The following KIAA1217 variants were observed in gnomAD, a reference collection of about 807,000 sequenced individuals.
The protein encoded by KIAA1217 is sickle tail protein homolog.
Under a neutral mutation model 163.9 loss-of-function variants are expected in KIAA1217, and 88 were observed. The observed-to-expected ratio is 0.54, with a 90% CI of 0.45 to 0.64. KIAA1217 has a LOEUF of 0.64. KIAA1217 is among the 30% of genes least tolerant of loss of function. KIAA1217 has a pLI of 0.00. For synonymous variants in KIAA1217, 903 were observed against 923.1 expected (o/e 0.98, Z 0.39); for missense variants, 2,372 against 2,475.0 (o/e 0.96, Z 0.88).
Position 24,170,417 on chromosome 10 carries a change from A to G in KIAA1217, c.-170-49209A>G, listed in dbSNP as rs1036413016. Among the ~76,000 whole-genome samples, 3 of 152,148 alleles carry G rather than the reference A, an allele frequency of 2.0e-5. No homozygotes were observed. In the East Asian group the frequency reaches 5.8e-4, roughly 29 times the overall value. ...CAGTCTCCAATCTGTTCCCAAGCTC[A>G]TTGTGTGAAATTTGCCTCGTTTGGG... On this transcript the variant is annotated intron_variant, in intron 2 of 18. Transcript: ENST00000376462.
In KIAA1217 at chr10:24,433,270, G is replaced by GT. The variant is rs1258407407; in HGVS notation, c.752+77_752+78insT. Reference sequence around the variant, plus strand: ...GTTTTTTGTTTTTTTGTTTTTGAGGGGTTTTTTTTTACCCACTATATTGCA... The same window carrying GT: ...GTTTTTTGTTTTTTTGTTTTTGAGGGTGTTTTTTTTTACCCACTATATTGCA... On this transcript the variant is annotated intron_variant, in intron 4 of 20. Transcript: ENST00000376454. The GT allele has an allele frequency of 4.4e-4, 492 of 1,129,588 alleles. 1 individual carries two copies. The highest frequency in any genetic ancestry group is 9.9e-4 in the Middle Eastern group (4 of 4,026). 70.0% of individuals were successfully genotyped at this position (1,129,588 alleles called of 1,614,324 possible).
intron 1 of KIAA1217, among the ~76,000 whole-genome samples, chr10:23,955,171 G>A (rs1025935758): frequency 6.6e-6 from 1 of 152,264 alleles, no homozygotes; most frequent in South Asian, 2.1e-4. Context: ...GTTCACAGAG[G>A]GGGTAAGCGG....
intron 2 of KIAA1217, among the ~76,000 whole-genome samples, chr10:24,234,586 G>GAA (rs2071930975): frequency 6.8e-6 from 1 of 147,478 alleles, no homozygotes; most frequent in South Asian, 2.2e-4. Flanking sequence ...TTGAACCCAG[G>GAA]AGGCAGAGGT....
At chr10:23,911,418 T>C (rs990154313) in intron 1 of KIAA1217, among the ~76,000 whole-genome samples, 6 of 152,206 alleles carry the variant, frequency 3.9e-5, no homozygotes, top group African/African-American at 1.2e-4. Flanking sequence ...AAGCCTTCTG[T>C]CTTTGAAATG....
At chr10:23,942,426 A>G (rs1843817280) in intron 1 of KIAA1217, among the ~76,000 whole-genome samples, 1 of 152,236 alleles carries the variant, frequency 6.6e-6, no homozygotes, top group Non-Finnish European at 1.5e-5. Context: ...TCCTCTGGCT[A>G]GGCTTCACAG....
At chr10:24,166,962 T>C (rs563904045) in intron 2 of KIAA1217, among the ~76,000 whole-genome samples, 54 of 152,330 alleles carry the variant, frequency 3.5e-4, no homozygotes, top group Non-Finnish European at 7.3e-4. Flanking sequence ...TTTCAGGTGC[T>C]GATAGCTGGA....
chr10:24,132,678 A>T (rs2063697261), intron 2 of KIAA1217, among the ~76,000 whole-genome samples: 1 of 152,222 alleles, frequency 6.6e-6, no homozygotes, highest in African/African-American at 2.4e-5. Flanking sequence ...TTCCAGCGGA[A>T]TATCAAGAAT....
rs111796175 is a variant in KIAA1217 at position 24,416,485 on chromosome 10, A to G, written c.554-16510A>G. ...CACCCCTTGTCTTTCTGCATCACAC[A>G]CAAGCCTGCCTGGGGCAAGAATCCA... On this transcript the variant is annotated intron_variant, in intron 3 of 20. Transcript: ENST00000376454. 6.0e-3 allele frequency among the ~76,000 whole-genome samples: 912 copies of G among 152,316 alleles called. 9 individuals carry two copies. Among genetic ancestry groups the G allele is most frequent in the African/African-American group, 0.02 (848 of 41,576 alleles).
chr10:23,739,651 G>A (rs1021253924), intron 1 of KIAA1217, among the ~76,000 whole-genome samples: 6 of 152,150 alleles, frequency 3.9e-5, no homozygotes, highest in Non-Finnish European at 8.8e-5. Context: ...GAGGAGGTAT[G>A]AGCAAAGGCA....
chr10:24,438,547 C>A, intron 5 of KIAA1217, 68 bp downstream of exon 5: 2 of 1,037,868 alleles, frequency 1.9e-6, no homozygotes, highest in Non-Finnish European at 3.0e-6. Flanking sequence ...TGCTTGTACT[C>A]CTGATGTAAT....
chr10:24,258,662 G>A lies in KIAA1217; in HGVS notation c.354+38753G>A, dbSNP rs190722827. Among the ~76,000 whole-genome samples the A allele has an allele frequency of 7.4e-3, 1,121 of 150,810 alleles. 12 individuals are homozygous for A. Among genetic ancestry groups the A allele is most frequent in the African/African-American group, 0.025 (1,031 of 41,000 alleles). On this transcript the variant is annotated intron_variant, in intron 2 of 20. Coordinates refer to ENST00000376454, the MANE Select transcript of KIAA1217 (RefSeq NM_019590.5). ...GGCTGGAGTGCAGTGGCGCGATCTC[G>A]GCTCATTGCAAGCTCCACCTCCCGG... is the stretch of plus-strand genomic sequence containing the variant.
intron 2 of KIAA1217, among the ~76,000 whole-genome samples, chr10:24,034,562 CAAA>C (rs773055132): frequency 9.1e-6 from 1 of 110,260 alleles, no homozygotes; most frequent in Admixed American, 9.4e-5. Context: ...GACCCTGTCT[CAAA>C]AAAAAAAAAA....
At chr10:24,207,890 G>T (rs944225258), upstream of KIAA1217, among the ~76,000 whole-genome samples, 19 of 152,132 alleles carry the variant, frequency 1.2e-4, no homozygotes, top group South Asian at 4.2e-4. Flanking sequence ...TGGAACATAG[G>T]CTGGCCATTG....
intron 1 of KIAA1217, among the ~76,000 whole-genome samples, chr10:23,853,977 A>G (rs1392757246): frequency 6.6e-6 from 1 of 152,030 alleles, no homozygotes; most frequent in African/African-American, 2.4e-5. Flanking sequence ...TCCTGGATTC[A>G]TTAATTTTTT....
intron 5 of KIAA1217, chr10:24,466,597 C>T: frequency 2.0e-6 from 2 of 985,162 alleles, no homozygotes; most frequent in Non-Finnish European, 2.4e-6. Flanking sequence ...TGTGAACACT[C>T]GAGCTGAGAA....
intron 2 of KIAA1217, among the ~76,000 whole-genome samples, chr10:24,015,561 G>T (rs1197903309): frequency 6.6e-6 from 1 of 151,928 alleles, no homozygotes; most frequent in Non-Finnish European, 1.5e-5. Context: ...TTCAAGACCA[G>T]CCTGGCCAAC....
At chr10:24,513,801 A>T (rs1047082275) in intron 10 of KIAA1217, among the ~76,000 whole-genome samples, 1 of 151,492 alleles carries the variant, frequency 6.6e-6, no homozygotes, top group African/African-American at 2.4e-5. Flanking sequence ...AAAAAAAAAA[A>T]ACAGAGAGAG....
intron 1 of KIAA1217, among the ~76,000 whole-genome samples, chr10:23,935,908 A>C (rs1464660889): frequency 6.6e-6 from 1 of 152,214 alleles, no homozygotes; most frequent in African/African-American, 2.4e-5. Context: ...CAGATGGCAC[A>C]TACACATTAT....
At chr10:24,231,806 T>G (rs1356290637) in intron 2 of KIAA1217, among the ~76,000 whole-genome samples, 5 of 151,908 alleles carry the variant, frequency 3.3e-5, no homozygotes, top group African/African-American at 4.8e-5. Context: ...CTTGGGTTTT[T>G]TTTTTTTTTT....
Sources: gnomAD v4.1 joint callset for allele counts (sites outside exome capture counted in the v4.1 genomes callset) on GRCh38, gnomAD v4.1.1 for gene constraint, MANE v1.5 for transcripts, NCBI Gene and HGNC (gene_info 2026-07-23, HGNC 2026-07-21) for gene names.